KCNMA1: variants seen among roughly 807,000 people sequenced by gnomAD.
KCNMA1 encodes the protein Calcium-activated potassium channel subunit alpha-1.
A neutral mutation model predicts 140.0 loss-of-function variants in KCNMA1; 29 were observed. The ratio of observed to expected loss-of-function variants is 0.21; its 90% confidence interval spans 0.15 to 0.28. The LOEUF (loss-of-function observed/expected upper bound fraction) is 0.28. Among genes scored for constraint, KCNMA1 ranks in the 10% least tolerant of loss-of-function variants. The pLI is 1.00. For missense variants in KCNMA1, 880 were observed against 1,602.2 expected (o/e 0.55, Z 7.70); for synonymous variants, 612 against 611.9 (o/e 1.00, Z 0.00).
rs971933916 is a variant in KCNMA1, at chr10:76,944,360, G to A, written c.2902+413C>T. Among the ~76,000 whole-genome samples, 15 of 152,254 alleles carry A rather than the reference G, an allele frequency of 9.9e-5. No individual in the cohort carries two copies. In the South Asian group the frequency reaches 1.7e-3, roughly 17 times the overall value. On this transcript the variant is annotated intron_variant, in intron 23 of 27. Transcript: ENST00000286628. The stretch of plus-strand genomic sequence containing the variant: ...CCTTGGTCAGCAGAGTCCTAGAGGC[G>A]GCTCTAACAATAGCAAAGCTTCATT...
At chr10:77,540,943 C>A (rs1439462983) in intron 1 of KCNMA1, among the ~76,000 whole-genome samples, 1 of 151,324 alleles carries the variant, frequency 6.6e-6, no homozygotes, top group Non-Finnish European at 1.5e-5. Flanking sequence ...AGGCAGAGAT[C>A]GCAGTGAGCC....
chr10:77,216,641 G>A (rs933321049), intron 3 of KCNMA1, among the ~76,000 whole-genome samples: 1 of 152,136 alleles, frequency 6.6e-6, no homozygotes, highest in Non-Finnish European at 1.5e-5. Flanking sequence ...TACAGTACAC[G>A]TAGCTGTTGT....
At chr10:77,328,352 G>A (rs2085005847) in intron 2 of KCNMA1, among the ~76,000 whole-genome samples, 1 of 152,162 alleles carries the variant, frequency 6.6e-6, no homozygotes, top group Non-Finnish European at 1.5e-5. Context: ...GCAAGTCAGA[G>A]GGCCAGTACT....
chr10:77,257,625 C>T (rs932366364), intron 2 of KCNMA1, among the ~76,000 whole-genome samples: 6 of 152,178 alleles, frequency 3.9e-5, no homozygotes, highest in African/African-American at 1.2e-4. Flanking sequence ...TGTGTCCCCA[C>T]CCAAATCTTA....
chr10:77,159,985 G>T (rs2098537539), intron 5 of KCNMA1, among the ~76,000 whole-genome samples: 1 of 152,198 alleles, frequency 6.6e-6, no homozygotes, highest in South Asian at 2.1e-4. Flanking sequence ...TAATGGGAAT[G>T]TCTGTTGAAT....
In KCNMA1 at chr10:77,079,276, AAAAG is replaced by A. The variant is rs1555210495; in HGVS notation, c.1593+201_1593+204del. ...CAAGAGCAAGACTCCATCCCAAAAA[AAAAG>A]AAAGAAAGAAAGAAATGTCCCAGGA... On this transcript the variant is annotated intron_variant, in intron 13 of 27. Transcript: ENST00000286628. 5.9e-5 allele frequency among the ~76,000 whole-genome samples: 9 copies of A among 152,172 alleles called. No individual in the cohort carries two copies. The South Asian group carries it at 1.9e-3, about 32-fold the overall frequency.
At chr10:77,132,462 A>G (rs1433041567) in intron 5 of KCNMA1, among the ~76,000 whole-genome samples, 1 of 152,086 alleles carries the variant, frequency 6.6e-6, no homozygotes, top group Non-Finnish European at 1.5e-5. Context: ...AGTGTCCTAG[A>G]CCGAAAGAAT....
At chr10:77,015,103 C>G (rs1045898916) in intron 17 of KCNMA1, among the ~76,000 whole-genome samples, 6 of 152,176 alleles carry the variant, frequency 3.9e-5, no homozygotes, top group Non-Finnish European at 8.8e-5. Context: ...CTCCCACAAG[C>G]AGCCTTCAGC....
intron 2 of KCNMA1, among the ~76,000 whole-genome samples, chr10:77,307,398 G>A (rs927446110): frequency 6.6e-6 from 1 of 152,094 alleles, no homozygotes. Context: ...GTACCCATAC[G>A]ACCATTTTGT....
chr10:77,258,045 C>T lies in KCNMA1; in HGVS notation c.541-6789G>A, dbSNP rs1220439351. Among the ~76,000 whole-genome samples, 8 of 152,170 alleles carry T rather than the reference C, an allele frequency of 5.3e-5. No individual in the cohort carries two copies. In the East Asian group the frequency reaches 1.5e-3, roughly 29 times the overall value. ...GACCTGGGTGTGAATCTCCACTCTG[C>T]CCCTATAAGCAACATGCTCTTAAGC... On this transcript the variant is annotated intron_variant, in intron 2 of 27. Coordinates refer to ENST00000286628, the MANE Select transcript of KCNMA1 (RefSeq NM_001161352.2).
At chr10:77,353,319 T>C (rs1333327595) in intron 2 of KCNMA1, among the ~76,000 whole-genome samples, 1 of 152,122 alleles carries the variant, frequency 6.6e-6, no homozygotes, top group African/African-American at 2.4e-5. Context: ...GCCCCATCAC[T>C]GAGTGGTTGT....
intron 10 of KCNMA1, among the ~76,000 whole-genome samples, chr10:77,088,336 G>A (rs1355554381): frequency 6.6e-6 from 1 of 152,232 alleles, no homozygotes. Flanking sequence ...GCTTCAAGAG[G>A]TTAATTAACT....
chr10:77,215,407 CT>C (rs5786271), intron 3 of KCNMA1, among the ~76,000 whole-genome samples: 63,589 of 132,786 alleles, frequency 0.48, 15,005 homozygotes, highest in East Asian at 0.7. Context: ...TTTATTTTTG[CT>C]TTTTTTTTTT....
rs1359483679 is a variant in KCNMA1 at position 77,070,322 on chromosome 10, A to T, written c.1749+2775T>A. ...GGAGACTGGTCTCTACAAAAAATTAAAATAAAATTAAAAAGCCCAGTGGAT... is the reference window on the plus strand; with the variant it reads ...GGAGACTGGTCTCTACAAAAAATTATAATAAAATTAAAAAGCCCAGTGGAT... On this transcript the variant is annotated intron_variant, in intron 14 of 27. Transcript: ENST00000286628. Among the ~76,000 whole-genome samples the T allele has an allele frequency of 2.6e-5, 4 of 152,148 alleles. No individual in the cohort carries two copies. In the East Asian group the frequency reaches 7.8e-4, roughly 29 times the overall value.
intron 2 of KCNMA1, among the ~76,000 whole-genome samples, chr10:77,397,463 A>G (rs1024959352): frequency 4.6e-5 from 7 of 152,142 alleles, no homozygotes; most frequent in African/African-American, 1.2e-4. Flanking sequence ...CACCTCAAAC[A>G]TTTATCTTTG....
chr10:76,947,997 TTC>T (rs1491041638), intron 22 of KCNMA1, among the ~76,000 whole-genome samples: 3 of 6,090 alleles, frequency 4.9e-4, no homozygotes, highest in South Asian at 0.018. Context: ...CCTCAGTTGT[TTC>T]TTGTTTTGTT....
rs1406205825 is a variant in KCNMA1 at position 76,886,116 on chromosome 10, A to G, written c.*1150T>C. The G allele has an allele frequency of 2.0e-6, 2 of 985,274 alleles. No homozygotes were observed. The highest frequency in any genetic ancestry group is 2.4e-6 in the Non-Finnish European group (2 of 829,948). The allele number at this position is 985,274 out of a possible 1,614,324, so 61.0% of individuals were successfully genotyped here. On this transcript the variant is annotated 3_prime_UTR_variant, in exon 28 of 28. Transcript: ENST00000286628. ...AGTCAACTGTGGCTGATCCTCCTACATTCTAATTTATTTAGCATGTCGGCT... is the reference window on the plus strand; with the variant it reads ...AGTCAACTGTGGCTGATCCTCCTACGTTCTAATTTATTTAGCATGTCGGCT...
At chr10:77,339,438 T>A (rs1488435628) in intron 2 of KCNMA1, among the ~76,000 whole-genome samples, 1 of 152,080 alleles carries the variant, frequency 6.6e-6, no homozygotes, top group Non-Finnish European at 1.5e-5. Flanking sequence ...GAGACTCCAG[T>A]CTTGGTTTTC....
At chr10:77,433,188 T>C (rs1462007839) in intron 1 of KCNMA1, among the ~76,000 whole-genome samples, 1 of 152,228 alleles carries the variant, frequency 6.6e-6, no homozygotes, top group Non-Finnish European at 1.5e-5. Flanking sequence ...AGTCTCACTC[T>C]GTTACCCAGG....
Sources: allele counts gnomAD v4.1 joint callset (sites outside exome capture counted in the v4.1 genomes callset), GRCh38; gene constraint gnomAD v4.1.1; transcripts MANE v1.5; gene names NCBI Gene and HGNC (gene_info 2026-07-23, HGNC 2026-07-21).